Variants in UTRN observed in about 807,000 individuals in gnomAD.
The protein encoded by UTRN is utrophin, also known as dystrophin-related protein 1.
Under a neutral mutation model 463.9 loss-of-function variants are expected in UTRN, and 283 were observed. The observed-to-expected ratio is 0.61, with a 90% CI of 0.55 to 0.67. UTRN has a LOEUF of 0.67. UTRN is among the 30% of genes least tolerant of loss of function. The pLI, the probability that UTRN is intolerant of heterozygous loss-of-function variation, is 0.00. For missense variants in UTRN, 3,922 were observed against 4,084.3 expected (o/e 0.96, Z 1.08); for synonymous variants, 1,442 against 1,431.5 (o/e 1.01, Z -0.17).
At chr6:144,650,908 C>CAAA (rs1380596433) in intron 51 of UTRN, among the ~76,000 whole-genome samples, 167 of 148,164 alleles carry the variant, frequency 1.1e-3, no homozygotes, top group African/African-American at 3.4e-3. Context: ...GACTCTGTCT[C>CAAA]AAATAATAAT....
At chr6:144,367,592 A>G (rs1779619129) in intron 2 of UTRN, among the ~76,000 whole-genome samples, 1 of 152,172 alleles carries the variant, frequency 6.6e-6, no homozygotes, top group Admixed American at 6.5e-5. Context: ...AGACAAACAG[A>G]TGTAGCGATA....
At chr6:144,564,458 G>C (rs1800216201) in intron 50 of UTRN, among the ~76,000 whole-genome samples, 1 of 152,166 alleles carries the variant, frequency 6.6e-6, no homozygotes, top group African/African-American at 2.4e-5. Flanking sequence ...GCAGAGGCCA[G>C]ATCATGCTGA....
At chr6:144,611,396 G>A (rs146181294) in intron 51 of UTRN, among the ~76,000 whole-genome samples, 289 of 152,282 alleles carry the variant, frequency 1.9e-3, no homozygotes, top group Middle Eastern at 6.8e-3. Context: ...GAAATTAAAG[G>A]CATTCTTACA....
chr6:144,809,242 A>G (rs1440284085), intron 65 of UTRN, among the ~76,000 whole-genome samples: 2 of 152,162 alleles, frequency 1.3e-5, no homozygotes, highest in African/African-American at 2.4e-5. Flanking sequence ...TAGAATAGCT[A>G]CTAGGGTCAA....
chr6:144,645,642 G>C (rs780527413), intron 51 of UTRN, among the ~76,000 whole-genome samples: 2 of 152,180 alleles, frequency 1.3e-5, no homozygotes, highest in Non-Finnish European at 2.9e-5. Context: ...AAAAATAAAA[G>C]GATCTGGAGA....
At chr6:144,378,393 A>G (rs1562316240) in intron 2 of UTRN, among the ~76,000 whole-genome samples, 1 of 152,212 alleles carries the variant, frequency 6.6e-6, no homozygotes, top group Non-Finnish European at 1.5e-5. Context: ...TCTTGGGCTT[A>G]CCCAAAACAA....
chr6:144,684,612 C>T (rs1481368011), intron 52 of UTRN, among the ~76,000 whole-genome samples: 3 of 152,058 alleles, frequency 2.0e-5, no homozygotes, highest in African/African-American at 7.2e-5. Context: ...TTATTACATT[C>T]GACCTGGCCA....
At chr6:144,569,471 A>G (rs74628260) in intron 50 of UTRN, among the ~76,000 whole-genome samples, 1 of 152,188 alleles carries the variant, frequency 6.6e-6, no homozygotes, top group Non-Finnish European at 1.5e-5. Context: ...CCAAATTCAT[A>G]CATGAGGTTA....
At chr6:144,768,111 G>A (rs1176480620) in intron 58 of UTRN, among the ~76,000 whole-genome samples, 8 of 152,150 alleles carry the variant, frequency 5.3e-5, no homozygotes, top group African/African-American at 1.4e-4. Flanking sequence ...TATCAAAAGT[G>A]CATGTCCTTT....
intron 33 of UTRN, among the ~76,000 whole-genome samples, chr6:144,495,465 C>T (rs558476782): frequency 3.3e-5 from 5 of 152,356 alleles, no homozygotes; most frequent in East Asian, 3.9e-4. Context: ...CAAGCCCACC[C>T]GGAACTCCAG....
intron 2 of UTRN, among the ~76,000 whole-genome samples, chr6:144,389,914 T>G (rs1257934334): frequency 6.6e-6 from 1 of 152,166 alleles, no homozygotes; most frequent in Non-Finnish European, 1.5e-5. Context: ...TTCATTACTC[T>G]TATAATAATT....
intron 10 of UTRN, 81 bp downstream of exon 10, chr6:144,436,219 T>G: frequency 7.3e-7 from 1 of 1,361,028 alleles, no homozygotes; most frequent in Non-Finnish European, 1.0e-6. Flanking sequence ...TCCTATTTGT[T>G]ATCTACTGAA....
intron 69 of UTRN, among the ~76,000 whole-genome samples, chr6:144,834,359 G>A (rs1780928197): frequency 6.6e-6 from 1 of 152,096 alleles, no homozygotes. Context: ...GGGGTTTATT[G>A]ATGAAGAAAG....
intron 2 of UTRN, among the ~76,000 whole-genome samples, chr6:144,339,089 G>T (rs1434645787): frequency 6.6e-6 from 1 of 152,246 alleles, no homozygotes; most frequent in East Asian, 1.9e-4. Context: ...GAAGAGTTCT[G>T]GTTCAGCAGC....
At position 144,423,608 on chromosome 6, in the gene UTRN, G is replaced by C; in HGVS notation, c.294G>C (p.Gln98His). Residue 98 changes from glutamine (Q) to histidine (H), a missense_variant, in exon 5 of 75, where the codon CAG (glutamine) becomes CAC (histidine). By Grantham distance (24) the Gln-to-His change is conservative. Around this residue, in one of 3 missense-constraint regions of UTRN, gnomAD observed 264 missense variants for 327.9 expected, o/e 0.81. Coordinates refer to ENST00000367545, the MANE Select transcript of UTRN (RefSeq NM_007124.3). ...TAAATAACGTCAACAGAGTGCTGCA[G>C]GTTTTACATCAGAACAATGTAAGTG... Reference protein sequence around the residue: ...HALNNVNRVLQVLHQNNVELV... With the variant: ...HALNNVNRVLHVLHQNNVELV... 1 of 1,614,240 alleles carries C rather than the reference G, an allele frequency of 6.2e-7. No homozygotes were observed. Among genetic ancestry groups the C allele is most frequent in the Non-Finnish European group, 8.5e-7 (1 of 1,180,052 alleles).
At chr6:144,658,026 A>G (rs989238409) in intron 51 of UTRN, among the ~76,000 whole-genome samples, 1 of 152,124 alleles carries the variant, frequency 6.6e-6, no homozygotes, top group Non-Finnish European at 1.5e-5. Context: ...CCCTGTGGCC[A>G]CTTTCTCTGT....
At position 144,473,956 on chromosome 6, in the gene UTRN, T is replaced by C. The variant is rs577710036; in HGVS notation, c.3180+123T>C. Reference sequence around the variant, plus strand: ...GCATTACATCTAGATAAAATATCTTTCATCATAAAGCTTTTATGACTTTAT... The same window carrying C: ...GCATTACATCTAGATAAAATATCTTCCATCATAAAGCTTTTATGACTTTAT... On this transcript the variant is annotated intron_variant, in intron 24 of 74. Coordinates refer to ENST00000367545, the MANE Select transcript of UTRN (RefSeq NM_007124.3). 1.8e-5 allele frequency: 11 copies of C among 626,760 alleles called. No homozygotes were observed. The South Asian group carries it at 2.6e-4, about 15-fold the overall frequency. The allele number at this position is 626,760 out of a possible 1,614,324, so 38.8% of individuals were successfully genotyped here.
At chr6:144,646,064 G>A (rs1416081537) in intron 51 of UTRN, among the ~76,000 whole-genome samples, 5 of 152,054 alleles carry the variant, frequency 3.3e-5, no homozygotes, top group Admixed American at 2.6e-4. Context: ...TAAATAAATG[G>A]TAACAAGGCC....
chr6:144,512,291 C>T (rs921387116), intron 35 of UTRN, among the ~76,000 whole-genome samples: 2 of 151,796 alleles, frequency 1.3e-5, no homozygotes, highest in Non-Finnish European at 2.9e-5. Flanking sequence ...TCTTATGGCC[C>T]TTATTTCTGT....
Sources: allele counts gnomAD v4.1 joint callset (sites outside exome capture counted in the v4.1 genomes callset), GRCh38; gene constraint gnomAD v4.1.1; regional missense constraint gnomAD v4.1.1; transcripts MANE v1.5; gene names NCBI Gene and HGNC (gene_info 2026-07-23, HGNC 2026-07-21).